The following KCNN2 variants were observed in gnomAD, a reference collection of about 807,000 sequenced individuals.
The protein encoded by KCNN2 is small conductance calcium-activated potassium channel protein 2.
KCNN2 carries 24 observed loss-of-function variants against 55.5 expected under a neutral mutation model. That is an observed-to-expected ratio of 0.43 (90% confidence interval 0.31 to 0.61). The LOEUF is 0.61. KCNN2 is among the 20% of genes least tolerant of loss of function. KCNN2 has a pLI of 0.08. For synonymous variants in KCNN2, 431 were observed against 336.1 expected, an observed-to-expected ratio of 1.28 and a Z score of -3.09; for missense variants, 754 against 853.6, an observed-to-expected ratio of 0.88 and a Z score of 1.45.
chr5:114,433,582 A>G (rs111950421), intron 3 of KCNN2: 2 of 152,410 alleles, frequency 1.3e-5, no homozygotes, highest in African/African-American at 4.8e-5. Flanking sequence ...AAATCTTGCT[A>G]CTGCTCACTC....
At chr5:114,415,191 A>G (rs2150077161) in intron 3 of KCNN2, among the ~76,000 whole-genome samples, 1 of 152,366 alleles carries the variant, frequency 6.6e-6, no homozygotes, top group East Asian at 1.9e-4. Context: ...TTGTAAGAAT[A>G]TGCCACAATT....
intron 1 of KCNN2, among the ~76,000 whole-genome samples, chr5:114,158,389 T>C (rs1299897271): frequency 1.3e-5 from 2 of 152,164 alleles, no homozygotes; most frequent in Non-Finnish European, 2.9e-5. Flanking sequence ...AGTACCATGC[T>C]CTTTTGGTTA....
At chr5:114,356,586 C>CAAGG (rs1757297658) in intron 2 of KCNN2, among the ~76,000 whole-genome samples, 1 of 151,850 alleles carries the variant, frequency 6.6e-6, no homozygotes, top group African/African-American at 2.4e-5. Flanking sequence ...CGGTAGGAGA[C>CAAGG]AAGGGTGAGA....
intron 3 of KCNN2, among the ~76,000 whole-genome samples, chr5:114,421,226 C>CAA (rs5870608): frequency 0.03 from 4,350 of 146,222 alleles, 201 homozygotes; most frequent in African/African-American, 0.1. Flanking sequence ...TGAAATTTTA[C>CAA]AAAAAAAAAA....
chr5:114,285,224 C>T (rs1755715465), intron 2 of KCNN2, among the ~76,000 whole-genome samples: 1 of 137,136 alleles, frequency 7.3e-6, no homozygotes, highest in African/African-American at 2.8e-5. Flanking sequence ...ACAGAGCTTG[C>T]AGTGAGCTGA....
At chr5:114,272,411 ATC>A (rs1384884423) in intron 2 of KCNN2, among the ~76,000 whole-genome samples, 758 of 19,756 alleles carry the variant, frequency 0.038, 49 homozygotes, top group East Asian at 0.066. Context: ...GTATGTACAT[ATC>A]TACACACATA....
At chr5:114,284,817 C>T (rs10036286) in intron 2 of KCNN2, among the ~76,000 whole-genome samples, 98,437 of 151,660 alleles carry the variant, frequency 0.65, 32,477 homozygotes, top group East Asian at 0.92. Context: ...CGCGCCTAGC[C>T]GATCATCTCC....
At chr5:114,130,906 C>G (rs1471935967) in intron 1 of KCNN2, among the ~76,000 whole-genome samples, 1 of 152,198 alleles carries the variant, frequency 6.6e-6, no homozygotes, top group Non-Finnish European at 1.5e-5. Flanking sequence ...CATCTTACTA[C>G]TCTGTCTGCA....
intron 1 of KCNN2, among the ~76,000 whole-genome samples, chr5:114,086,606 C>G (rs1051000462): frequency 6.6e-6 from 1 of 151,858 alleles, no homozygotes; most frequent in South Asian, 2.1e-4. Context: ...CTGCAAAGGA[C>G]GTAATCTAAT....
At chr5:114,418,479 A>G (rs1213340923) in intron 3 of KCNN2, among the ~76,000 whole-genome samples, 3 of 151,724 alleles carry the variant, frequency 2.0e-5, no homozygotes, top group Non-Finnish European at 4.4e-5. Context: ...CTTCAGACAG[A>G]GTTTTCTTCG....
intron 1 of KCNN2, among the ~76,000 whole-genome samples, chr5:114,095,693 G>A (rs900013012): frequency 6.6e-6 from 1 of 152,054 alleles, no homozygotes; most frequent in African/African-American, 2.4e-5. Context: ...AGTACAGCAG[G>A]CTTCCTCTAG....
intron 1 of KCNN2, among the ~76,000 whole-genome samples, chr5:114,060,472 G>C (rs998557345): frequency 6.6e-6 from 1 of 152,230 alleles, no homozygotes; most frequent in African/African-American, 2.4e-5. Flanking sequence ...AGGAAGGAAG[G>C]GAGTGAGGGA....
chr5:114,178,306 G>T (rs1580592829), intron 1 of KCNN2, among the ~76,000 whole-genome samples: 2 of 152,148 alleles, frequency 1.3e-5, no homozygotes, highest in Non-Finnish European at 2.9e-5. Flanking sequence ...CTGCCATCTG[G>T]CAGTTCCTTT....
intron 1 of KCNN2, among the ~76,000 whole-genome samples, chr5:114,164,400 CT>C (rs1752862967): frequency 6.6e-6 from 1 of 152,058 alleles, no homozygotes; most frequent in Non-Finnish European, 1.5e-5. Flanking sequence ...AAGTGAAGTG[CT>C]GTAGTCATTC....
chr5:114,401,207 TA>T (rs568034174), intron 2 of KCNN2, among the ~76,000 whole-genome samples: 250 of 151,620 alleles, frequency 1.6e-3, no homozygotes, highest in South Asian at 9.4e-3. Context: ...TATGCTATGA[TA>T]AAAAAAAATT....
intron 2 of KCNN2, among the ~76,000 whole-genome samples, chr5:114,279,660 T>A (rs1755578723): frequency 1.3e-5 from 2 of 152,222 alleles, no homozygotes; most frequent in South Asian, 4.1e-4. Flanking sequence ...TAGTATTGCA[T>A]CGTATATATG....
intron 1 of KCNN2, among the ~76,000 whole-genome samples, chr5:114,187,548 T>A (rs1753361021): frequency 7.4e-6 from 1 of 134,888 alleles, no homozygotes; most frequent in East Asian, 2.2e-4. Context: ...CTCTGTCACC[T>A]AGGCTGGAGT....
chr5:114,257,522 A>G (rs530059178), intron 2 of KCNN2, among the ~76,000 whole-genome samples: 1 of 151,984 alleles, frequency 6.6e-6, no homozygotes, highest in African/African-American at 2.4e-5. Flanking sequence ...TATTATCTAT[A>G]TGTCTTTCCT....
At chr5:114,490,459 G>C (rs1483895933) in intron 6 of KCNN2, among the ~76,000 whole-genome samples, 1 of 152,164 alleles carries the variant, frequency 6.6e-6, no homozygotes, top group East Asian at 1.9e-4. Context: ...TATTCAGGAG[G>C]AAGCTGAGTG....
Sources: allele counts gnomAD v4.1 joint callset (sites outside exome capture counted in the v4.1 genomes callset), GRCh38; gene constraint gnomAD v4.1.1; transcripts MANE v1.5; gene names NCBI Gene and HGNC (gene_info 2026-07-23, HGNC 2026-07-21).